MED14: variants seen among roughly 807,000 people sequenced by gnomAD.
MED14 encodes mediator of RNA polymerase II transcription subunit 14.
MED14 carries 8 observed loss-of-function variants against 109.0 expected under a neutral mutation model. That is an observed-to-expected ratio of 0.07 (90% CI 0.04 to 0.13). The LOEUF (loss-of-function observed/expected upper bound fraction) is 0.13. Among genes scored for constraint, MED14 ranks in the 10% least tolerant of loss-of-function variants. The pLI, the probability that MED14 is intolerant of heterozygous loss-of-function variation, is 1.00. For missense variants in MED14, 711 were observed against 1,142.4 expected (o/e 0.62, Z 5.44); for synonymous variants, 399 against 408.7 (o/e 0.98, Z 0.29).
At chrX:40,679,151 G>C (rs1407274038) in intron 21 of MED14, among the ~76,000 whole-genome samples, 1 of 112,034 alleles carries the variant, frequency 8.9e-6, no homozygotes. Flanking sequence ...AAAAGCATCA[G>C]GCCAGGCACA....
intron 26 of MED14, among the ~76,000 whole-genome samples, chrX:40,660,300 A>C (rs1929214883): frequency 8.9e-6 from 1 of 111,973 alleles, no homozygotes; most frequent in African/African-American, 3.3e-5. Context: ...GAAGTTCATT[A>C]TACCATTCTA....
chrX:40,654,502 C>T lies in MED14; in HGVS notation c.4153G>A (p.Val1385Ile). ...VPPQEPVSIIVPIIYDMASGT... is the reference protein window; with the variant it reads ...VPPQEPVSIIIPIIYDMASGT... The stretch of plus-strand genomic sequence containing the variant: ...GAAGCCATGTCATAAATGATTGGAA[C>T]TATAATACTAACAGGTTCTTGGGGA... The change falls in exon 30 of 31, where the codon GTT becomes ATT. Residue 1385 changes from valine (V) to isoleucine (I), a missense_variant. By Grantham distance (29) the Val-to-Ile change is conservative. Transcript: ENST00000324817. 7 of 1,211,255 alleles carry T rather than the reference C, an allele frequency of 5.8e-6. No individual in the cohort carries two copies. Among genetic ancestry groups the T allele is most frequent in the Non-Finnish European group, 7.8e-6 (7 of 895,371 alleles).
intron 10 of MED14, among the ~76,000 whole-genome samples, chrX:40,707,080 C>T (rs1249238602): frequency 1.9e-5 from 2 of 107,585 alleles, no homozygotes; most frequent in African/African-American, 6.9e-5. Context: ...GTTCAGCAGG[C>T]CATGGACTTA....
intron 28 of MED14, 46 bp downstream of exon 28, chrX:40,659,181 C>A: frequency 1.1e-6 from 1 of 943,734 alleles, no homozygotes; most frequent in African/African-American, 1.9e-5. Flanking sequence ...CCAACTCTAA[C>A]CTCCTCAAAC....
At position 40,671,085 on chromosome X, in the gene MED14, T is replaced by G. The variant is rs142710721; in HGVS notation, c.3133+776A>C. 1.5e-4 allele frequency among the ~76,000 whole-genome samples: 17 copies of G among 111,985 alleles called. No homozygotes were observed. In the East Asian group the frequency reaches 4.7e-3, roughly 31 times the overall value. Reference sequence around the variant, plus strand: ...ACATCTTTTATGCTAAAACTTTCTTTGAAAAAAACATCATTATGCTCTGGA... The same window carrying G: ...ACATCTTTTATGCTAAAACTTTCTTGGAAAAAAACATCATTATGCTCTGGA... On this transcript the variant is annotated intron_variant, in intron 23 of 30. Coordinates refer to ENST00000324817, the MANE Select transcript of MED14 (RefSeq NM_004229.4).
intron 24 of MED14, 44 bp from the exon 25 acceptor site, chrX:40,664,533 A>G: frequency 1.2e-6 from 1 of 846,718 alleles, no homozygotes; most frequent in East Asian, 4.0e-5. Context: ...CTATATTTTA[A>G]TAACTGAAAA....
At chrX:40,661,924 C>A (rs190762101) in intron 26 of MED14, among the ~76,000 whole-genome samples, 1 of 111,349 alleles carries the variant, frequency 9.0e-6, no homozygotes, top group African/African-American at 3.3e-5. Flanking sequence ...AGTGCAGTGG[C>A]GCGATCTTGG....
In MED14 at chrX:40,723,078, A is replaced by G. The variant is rs185629489; in HGVS notation, c.348+3668T>C. On this transcript the variant is annotated intron_variant, in intron 3 of 30. Coordinates refer to ENST00000324817, the MANE Select transcript of MED14 (RefSeq NM_004229.4). ...AGCACACAGAAAAACACAGAATATT[A>G]TAACACTGTAATTGTACTATGTAAA... 4.6e-4 allele frequency among the ~76,000 whole-genome samples: 52 copies of G among 112,315 alleles called. No individual in the cohort carries two copies. In the South Asian group the frequency reaches 7.0e-3, roughly 15 times the overall value.
chrX:40,735,890 C>T (rs933893564), upstream of MED14: 1 of 266,788 alleles, frequency 3.7e-6, no homozygotes. Context: ...AAAAGGGAGC[C>T]GCGCGCCGCC....
chrX:40,711,822 G>C (rs1299142892), intron 7 of MED14, among the ~76,000 whole-genome samples: 3 of 107,669 alleles, frequency 2.8e-5, no homozygotes, highest in Non-Finnish European at 5.8e-5. Flanking sequence ...GTAGAGACAG[G>C]GTTTCACCAT....
chrX:40,654,522 T>C lies in MED14; in HGVS notation c.4133A>G (p.Gln1378Arg). 4.1e-6 allele frequency: 5 copies of C among 1,211,167 alleles called. No homozygotes were observed. Among genetic ancestry groups the C allele is most frequent in the Non-Finnish European group, 5.6e-6 (5 of 895,289 alleles). The change falls in exon 30 of 31, where the codon CAA becomes CGA. Residue 1378 changes from glutamine (Q) to arginine (R), a missense_variant. Gln to Arg is a conservative substitution (Grantham distance 43). Coordinates refer to ENST00000324817, the MANE Select transcript of MED14 (RefSeq NM_004229.4). Reference sequence around the variant, plus strand: ...TGGAACTATAATACTAACAGGTTCTTGGGGAGGGACCGATGTTTTCTGAGT... The same window carrying C: ...TGGAACTATAATACTAACAGGTTCTCGGGGAGGGACCGATGTTTTCTGAGT... Reference protein sequence around the residue: ...QLTQKTSVPPQEPVSIIVPII... With the variant: ...QLTQKTSVPPREPVSIIVPII...
chrX:40,651,741 AGGCTG>A lies in MED14; in HGVS notation c.*60_*64del. ...AAGTCCTTTTCCTTTTTTAAACTGA[AGGCTG>A]AATTCAGATTTTTTTTGTTGTCTCA... On this transcript the variant is annotated 3_prime_UTR_variant, in exon 31 of 31. Coordinates refer to ENST00000324817, the MANE Select transcript of MED14 (RefSeq NM_004229.4). 1 of 1,122,941 alleles carries A rather than the reference AGGCTG, an allele frequency of 8.9e-7. No individual in the cohort carries two copies. Among genetic ancestry groups the A allele is most frequent in the Non-Finnish European group, 1.2e-6 (1 of 856,466 alleles). 92.5% of individuals were successfully genotyped at this position (1,122,941 alleles called of 1,213,427 possible).
chrX:40,719,953 A>C (rs1432411013), intron 3 of MED14, among the ~76,000 whole-genome samples: 1 of 112,316 alleles, frequency 8.9e-6, no homozygotes. Flanking sequence ...GGCATGGCTA[A>C]AGATCATTAT....
In MED14 at chrX:40,680,065, C is replaced by T; in HGVS notation, c.2679G>A (p.Leu893=). Residue 893 remains leucine, a synonymous_variant, in exon 21 of 31, where the codon TTG becomes TTA. Coordinates refer to ENST00000324817, the MANE Select transcript of MED14 (RefSeq NM_004229.4). ...GGTAGGCAGTATTGGTTCTCTGGGTCAAGCCCAACATCGGCACAGTGGGGA... is the reference window on the plus strand; with the variant it reads ...GGTAGGCAGTATTGGTTCTCTGGGTTAAGCCCAACATCGGCACAGTGGGGA... ...NKLPTVPMLG[L]TQRTNTAYQC... 1 of 1,210,868 alleles carries T rather than the reference C, an allele frequency of 8.3e-7. No homozygotes were observed. Among genetic ancestry groups the T allele is most frequent in the Non-Finnish European group, 1.1e-6 (1 of 894,754 alleles).
intron 12 of MED14, among the ~76,000 whole-genome samples, chrX:40,699,172 C>A (rs995401456): frequency 1.3e-4 from 14 of 111,999 alleles, no homozygotes; most frequent in African/African-American, 3.6e-4. Context: ...CAAAAGACAG[C>A]ATATTTTGAT....
chrX:40,660,647 G>A (rs1184680422), intron 26 of MED14, among the ~76,000 whole-genome samples: 3 of 112,055 alleles, frequency 2.7e-5, no homozygotes, highest in African/African-American at 9.7e-5. Context: ...TTACTGACCC[G>A]TTTTAGCAGA....
Position 40,663,090 on chromosome X carries a change from T to A in MED14, c.3519A>T (p.Ile1173=). The A allele has an allele frequency of 8.3e-7, 1 of 1,211,781 alleles. No individual in the cohort carries two copies. Among genetic ancestry groups the A allele is most frequent in the African/African-American group, 1.7e-5 (1 of 57,845 alleles). Residue 1173 remains isoleucine (I), a synonymous_variant, in exon 26 of 31, where the codon ATA becomes ATT. Transcript: ENST00000324817. Reference sequence around the variant, plus strand: ...AGGCACTGTGAGTGAGGATGGTAGGTATGGATGCCGCCCAAGAGCGCTGAG... The same window carrying A: ...AGGCACTGTGAGTGAGGATGGTAGGAATGGATGCCGCCCAAGAGCGCTGAG... ...KLPQRSWAAS[I]PTILTHSALN...
intron 3 of MED14, among the ~76,000 whole-genome samples, chrX:40,717,087 G>T (rs1478025296): frequency 9.0e-6 from 1 of 110,950 alleles, no homozygotes. Context: ...TAGTAGAGTA[G>T]GGAAATTATA....
chrX:40,657,689 C>T (rs1029332388), intron 28 of MED14, among the ~76,000 whole-genome samples: 27 of 112,157 alleles, frequency 2.4e-4, no homozygotes, highest in African/African-American at 8.8e-4. Context: ...AGGGAAATCC[C>T]CCAAGGGCCA....
Sources: allele counts gnomAD v4.1 joint callset (sites outside exome capture counted in the v4.1 genomes callset), GRCh38; gene constraint gnomAD v4.1.1; transcripts MANE v1.5; gene names NCBI Gene and HGNC (gene_info 2026-07-23, HGNC 2026-07-21).